PDZRN4: variants seen among roughly 807,000 people sequenced by gnomAD.
The protein encoded by PDZRN4 is PDZ domain-containing RING finger protein 4.
A neutral mutation model predicts 99.0 loss-of-function variants in PDZRN4; 70 were observed. The ratio of observed to expected loss-of-function variants is 0.71; its 90% CI spans 0.58 to 0.86. PDZRN4 has a LOEUF of 0.86. Ranked by LOEUF, PDZRN4 falls within the 40% of genes least tolerant of loss-of-function variation. The pLI, the probability that PDZRN4 is intolerant of heterozygous loss-of-function variation, is 0.00. For synonymous variants in PDZRN4, 551 were observed against 501.6 expected (o/e 1.10, Z -1.32); for missense variants, 1,474 against 1,331.2 (o/e 1.11, Z -1.67).
At chr12:41,380,668 G>A (rs999426066) in intron 3 of PDZRN4, among the ~76,000 whole-genome samples, 2 of 151,812 alleles carry the variant, frequency 1.3e-5, no homozygotes, top group African/African-American at 4.8e-5. Context: ...GCTTACATTT[G>A]TTTTATTGTG....
At chr12:41,461,450 T>G (rs1324196276) in intron 3 of PDZRN4, among the ~76,000 whole-genome samples, 2 of 152,130 alleles carry the variant, frequency 1.3e-5, no homozygotes, top group African/African-American at 4.8e-5. Context: ...CATGTGGTAT[T>G]TGGTTTTCTA....
intron 2 of PDZRN4, among the ~76,000 whole-genome samples, chr12:41,192,762 C>T (rs1325545256): frequency 1.3e-5 from 2 of 152,142 alleles, no homozygotes; most frequent in Non-Finnish European, 2.9e-5. Context: ...ATTTTTGGCT[C>T]CCCAAACCGA....
chr12:41,568,537 C>T (rs1055489250), intron 9 of PDZRN4, among the ~76,000 whole-genome samples: 1 of 152,114 alleles, frequency 6.6e-6, no homozygotes, highest in Non-Finnish European at 1.5e-5. Context: ...ACACTTTGAA[C>T]TCCTAATATG....
chr12:41,308,334 C>A (rs139066465), intron 3 of PDZRN4, among the ~76,000 whole-genome samples: 52 of 152,264 alleles, frequency 3.4e-4, no homozygotes, highest in African/African-American at 1.2e-3. Flanking sequence ...TAATTTGCAC[C>A]TTGACTTGTG....
chr12:41,334,537 T>A (rs11180834), intron 3 of PDZRN4, among the ~76,000 whole-genome samples: 72,647 of 151,898 alleles, frequency 0.48, 17,865 homozygotes, highest in Middle Eastern at 0.65. Flanking sequence ...CTGCCAGACA[T>A]GATGGCTGGG....
chr12:41,387,010 G>A (rs1325764084), intron 3 of PDZRN4, among the ~76,000 whole-genome samples: 1 of 151,666 alleles, frequency 6.6e-6, no homozygotes, highest in African/African-American at 2.4e-5. Flanking sequence ...AAAATCCCAA[G>A]CTAAATCCTG....
chr12:41,384,989 A>G (rs1410478046), intron 3 of PDZRN4, among the ~76,000 whole-genome samples: 1 of 152,162 alleles, frequency 6.6e-6, no homozygotes, highest in Non-Finnish European at 1.5e-5. Flanking sequence ...ACAATGATGA[A>G]TCCTACATTC....
chr12:41,501,391 G>C (rs1261307115), intron 3 of PDZRN4, among the ~76,000 whole-genome samples: 1 of 152,124 alleles, frequency 6.6e-6, no homozygotes, highest in African/African-American at 2.4e-5. Flanking sequence ...AATAATCAAA[G>C]GGGAACAGCT....
chr12:41,560,737 C>A (rs1200692955), intron 7 of PDZRN4, among the ~76,000 whole-genome samples: 3 of 152,146 alleles, frequency 2.0e-5, no homozygotes, highest in Admixed American at 6.6e-5. Flanking sequence ...ATTTCAGGAC[C>A]AAGAGCAACC....
intron 3 of PDZRN4, among the ~76,000 whole-genome samples, chr12:41,219,382 A>G (rs779905176): frequency 7.2e-5 from 11 of 152,222 alleles, no homozygotes; most frequent in Middle Eastern, 3.4e-3. Context: ...ACTTCAGATT[A>G]TATTTACTGC....
intron 5 of PDZRN4, among the ~76,000 whole-genome samples, chr12:41,533,965 A>AG (rs1938707052): frequency 6.6e-6 from 1 of 152,120 alleles, no homozygotes; most frequent in African/African-American, 2.4e-5. Flanking sequence ...GAAGTAATAT[A>AG]TACTATTTCT....
At chr12:41,241,709 G>T (rs150022042) in intron 3 of PDZRN4, among the ~76,000 whole-genome samples, 3 of 152,124 alleles carry the variant, frequency 2.0e-5, no homozygotes, top group African/African-American at 4.8e-5. Context: ...AACCATTGGT[G>T]ATTTGACCTT....
chr12:41,262,478 GA>G (rs200197556), intron 3 of PDZRN4, among the ~76,000 whole-genome samples: 3 of 152,104 alleles, frequency 2.0e-5, no homozygotes, highest in South Asian at 2.1e-4. Context: ...GAGGGAGCTG[GA>G]AAAAAATTCA....
intron 3 of PDZRN4, among the ~76,000 whole-genome samples, chr12:41,338,868 AC>A (rs1951794561): frequency 6.6e-6 from 1 of 152,070 alleles, no homozygotes; most frequent in South Asian, 2.1e-4. Flanking sequence ...ATTAAACATA[AC>A]CAAAACAGTG....
In PDZRN4 at chr12:41,321,760, G is replaced by A. The variant is rs539491629; in HGVS notation, c.843+127572G>A. On this transcript the variant is annotated intron_variant, in intron 3 of 9. Transcript: ENST00000402685. ...ACAAAGACATAATAAGACGATGATC[G>A]CCTGTGTAAATGTGACAAACTAACC... 1.5e-4 allele frequency among the ~76,000 whole-genome samples: 23 copies of A among 152,148 alleles called. No individual in the cohort carries two copies. The South Asian group carries it at 4.6e-3, about 30-fold the overall frequency.
intron 3 of PDZRN4, among the ~76,000 whole-genome samples, chr12:41,231,159 A>G (rs1951027047): frequency 6.6e-6 from 1 of 152,096 alleles, no homozygotes; most frequent in South Asian, 2.1e-4. Context: ...AACACTCATT[A>G]GGGCTAAACA....
At chr12:41,324,791 G>C (rs4768341) in intron 3 of PDZRN4, among the ~76,000 whole-genome samples, 100,147 of 151,946 alleles carry the variant, frequency 0.66, 36,083 homozygotes, top group Middle Eastern at 0.81. Context: ...ATTTCAAAGA[G>C]TTGGTATAAA....
chr12:41,529,382 A>G (rs1259922343), intron 5 of PDZRN4, among the ~76,000 whole-genome samples: 1 of 152,206 alleles, frequency 6.6e-6, no homozygotes, highest in Non-Finnish European at 1.5e-5. Flanking sequence ...ATTGAGTTAA[A>G]TTTGGTTACA....
intron 3 of PDZRN4, among the ~76,000 whole-genome samples, chr12:41,218,188 C>A (rs1042496711): frequency 1.3e-5 from 2 of 152,070 alleles, no homozygotes; most frequent in African/African-American, 4.8e-5. Context: ...CAAGTAAAAG[C>A]CTCTTTTCCT....
Sources: allele counts gnomAD v4.1 joint callset (sites outside exome capture counted in the v4.1 genomes callset), GRCh38; gene constraint gnomAD v4.1.1; transcripts MANE v1.5; gene names NCBI Gene and HGNC (gene_info 2026-07-23, HGNC 2026-07-21).